The following MGAT4C variants were observed in gnomAD, a reference collection of about 807,000 sequenced individuals.
MGAT4C encodes the protein MGAT4 family member C.
In MGAT4C, 19 loss-of-function variants were observed where a neutral mutation model predicts 40.1. The observed-to-expected ratio is 0.47, with a 90% CI of 0.33 to 0.70. MGAT4C has a LOEUF of 0.70. MGAT4C is among the 30% of genes least tolerant of loss of function. The pLI is 0.02. For synonymous variants in MGAT4C, 181 were observed against 187.1 expected (o/e 0.97, Z 0.27); for missense variants, 491 against 563.2 (o/e 0.87, Z 1.30).
chr12:86,127,622 C>T (rs1042842617), intron 1 of MGAT4C, among the ~76,000 whole-genome samples: 1 of 152,154 alleles, frequency 6.6e-6, no homozygotes, highest in African/African-American at 2.4e-5. Flanking sequence ...AACACAACCA[C>T]ATTATGCAGC....
intron 1 of MGAT4C, among the ~76,000 whole-genome samples, chr12:86,754,756 A>G (rs1211790104): frequency 6.6e-6 from 1 of 152,124 alleles, no homozygotes; most frequent in African/African-American, 2.4e-5. Context: ...ACTTCCACAG[A>G]TAATTAAAAA....
intron 1 of MGAT4C, among the ~76,000 whole-genome samples, chr12:86,207,501 T>C (rs1304156582): frequency 6.6e-6 from 1 of 152,110 alleles, no homozygotes; most frequent in African/African-American, 2.4e-5. Context: ...CCATGTGTTC[T>C]ACACTATGCA....
intron 3 of MGAT4C, among the ~76,000 whole-genome samples, chr12:86,359,488 G>A (rs1955403723): frequency 6.6e-6 from 1 of 151,418 alleles, no homozygotes; most frequent in African/African-American, 2.4e-5. Flanking sequence ...GAGAAGAACT[G>A]AAGGAGATAG....
chr12:86,191,012 C>T (rs1056044853), intron 1 of MGAT4C, among the ~76,000 whole-genome samples: 5 of 151,562 alleles, frequency 3.3e-5, no homozygotes, highest in Admixed American at 6.6e-5. Context: ...CCTGCTGGCC[C>T]GCCTCACAAA....
chr12:86,660,404 G>A (rs1963952365), intron 2 of MGAT4C, among the ~76,000 whole-genome samples: 1 of 152,226 alleles, frequency 6.6e-6, no homozygotes, highest in East Asian at 1.9e-4. Context: ...GATTTTCAGG[G>A]AATGAAGTTA....
intron 2 of MGAT4C, among the ~76,000 whole-genome samples, chr12:86,544,452 T>C (rs940543130): frequency 4.6e-5 from 7 of 152,202 alleles, no homozygotes; most frequent in East Asian, 1.9e-4. Flanking sequence ...TTTATTTCTA[T>C]AATTATCTAA....
intron 4 of MGAT4C, among the ~76,000 whole-genome samples, chr12:86,332,752 G>A (rs925945109): frequency 6.6e-6 from 1 of 151,994 alleles, no homozygotes; most frequent in Non-Finnish European, 1.5e-5. Flanking sequence ...AAATAAAGGA[G>A]CTATGAAAGT....
chr12:86,214,728 A>G (rs971555185), intron 1 of MGAT4C, among the ~76,000 whole-genome samples: 2 of 152,234 alleles, frequency 1.3e-5, no homozygotes, highest in African/African-American at 4.8e-5. Flanking sequence ...GCACACCTCC[A>G]AATACCATCA....
chr12:85,990,891 T>C (rs1254667710), intron 2 of MGAT4C, among the ~76,000 whole-genome samples: 1 of 152,136 alleles, frequency 6.6e-6, no homozygotes, highest in Admixed American at 6.5e-5. Flanking sequence ...ACATTTCAAA[T>C]AGTATGAGAA....
intron 3 of MGAT4C, among the ~76,000 whole-genome samples, chr12:86,350,692 G>A (rs1161628170): frequency 6.6e-6 from 1 of 152,110 alleles, no homozygotes; most frequent in Non-Finnish European, 1.5e-5. Flanking sequence ...ATTGTAAACT[G>A]TGGTTTACAT....
chr12:85,983,737 C>G, intron 3 of MGAT4C, 67 bp from the exon 4 acceptor site: 1 of 1,266,962 alleles, frequency 7.9e-7, no homozygotes, highest in Admixed American at 2.7e-5. Context: ...AATAAAGTTT[C>G]TTTTTTACAC....
At chr12:86,481,299 A>C (rs1957932695) in intron 2 of MGAT4C, among the ~76,000 whole-genome samples, 2 of 152,176 alleles carry the variant, frequency 1.3e-5, no homozygotes, top group Non-Finnish European at 2.9e-5. Flanking sequence ...CTTAACACCA[A>C]GGACAAATGG....
intron 2 of MGAT4C, among the ~76,000 whole-genome samples, chr12:86,705,582 G>A (rs1406090948): frequency 6.6e-6 from 1 of 152,042 alleles, no homozygotes; most frequent in Non-Finnish European, 1.5e-5. Context: ...TATAATTAAT[G>A]TATAAGCAAA....
Position 85,969,778 on chromosome 12 carries a change from C to T in MGAT4C, c.*9511G>A, listed in dbSNP as rs770567919. 4.0e-5 allele frequency: 6 copies of T among 151,350 alleles called. No individual in the cohort carries two copies. The highest frequency in any genetic ancestry group is 1.5e-5 in the Non-Finnish European group (1 of 67,490). 9.4% of individuals were successfully genotyped at this position (151,350 alleles called of 1,614,324 possible). A position where few individuals can be genotyped will look rare whatever the true frequency, so the allele number is the denominator to read the frequency against. ...TTACACAAACCTGAAATCCAATGCT[C>T]TCTCTTTCATTTATTAGTTATGTGA... On this transcript the variant is annotated 3_prime_UTR_variant, in exon 5 of 5. Coordinates refer to ENST00000611864, the MANE Select transcript of MGAT4C (RefSeq NM_001351288.2).
chr12:86,787,877 G>C lies in MGAT4C; in HGVS notation c.-262+50789C>G, dbSNP rs146323567. ...TCCTTCCACCTCAGTCTCCTGAGTA[G>C]CCTTAGTAAAGAGAGAGGAATACCT... On this transcript the variant is annotated intron_variant, in intron 1 of 7. Coordinates refer to the MGAT4C transcript ENST00000548651. Among the ~76,000 whole-genome samples the C allele has an allele frequency of 3.3e-3, 507 of 152,228 alleles. 2 individuals carry two copies. Among genetic ancestry groups the C allele is most frequent in the African/African-American group, 0.012 (499 of 41,538 alleles).
intron 1 of MGAT4C, among the ~76,000 whole-genome samples, chr12:86,137,622 A>G (rs1035026586): frequency 6.6e-6 from 1 of 152,192 alleles, no homozygotes; most frequent in Non-Finnish European, 1.5e-5. Context: ...AACAAAATCG[A>G]CCATGTCTAG....
At chr12:86,047,187 G>A (rs1012886961) in intron 2 of MGAT4C, among the ~76,000 whole-genome samples, 2 of 151,958 alleles carry the variant, frequency 1.3e-5, no homozygotes. Context: ...CTTTATTCTA[G>A]GCATAGCAGT....
At chr12:86,669,368 AGCACCTGTTT>A (rs2136561288) in intron 2 of MGAT4C, among the ~76,000 whole-genome samples, 1 of 152,222 alleles carries the variant, frequency 6.6e-6, no homozygotes, top group South Asian at 2.1e-4. Flanking sequence ...AGGCATTCAG[AGCACCTGTTT>A]GCCTCGTTCA....
Position 86,659,349 on chromosome 12 carries a change from G to T in MGAT4C, c.-229+67860C>A, listed in dbSNP as rs534455330. On this transcript the variant is annotated intron_variant, in intron 2 of 7. Transcript: ENST00000548651. ...ACTAAGGTGGAAATTCTCCCAAAAT[G>T]CCAGAGAAGAGATACAAGCTGCTGA... is the stretch of plus-strand genomic sequence containing the variant. Among the ~76,000 whole-genome samples the T allele has an allele frequency of 2.0e-5, 3 of 152,094 alleles. No homozygotes were observed. In the South Asian group the frequency reaches 6.2e-4, roughly 32 times the overall value.
Sources: allele counts gnomAD v4.1 joint callset (sites outside exome capture counted in the v4.1 genomes callset), GRCh38; gene constraint gnomAD v4.1.1; transcripts MANE v1.5; gene names NCBI Gene and HGNC (gene_info 2026-07-23, HGNC 2026-07-21).